Variants in ROBO1 observed in about 807,000 individuals in gnomAD.
ROBO1 encodes the protein roundabout homolog 1.
ROBO1 carries 149 observed loss-of-function variants against 195.9 expected under a neutral mutation model. That is an observed-to-expected ratio of 0.76 (90% CI 0.67 to 0.87). The LOEUF (loss-of-function observed/expected upper bound fraction) is 0.87. ROBO1 is among the 40% of genes least tolerant of loss of function. The probability of loss-of-function intolerance (pLI) is 0.00; values close to 1 mark genes in which losing one functional copy is unlikely to be tolerated. For synonymous variants in ROBO1, 816 were observed against 733.2 expected, an observed-to-expected ratio of 1.11 and a Z score of -1.82; for missense variants, 1,933 against 2,068.3, an observed-to-expected ratio of 0.93 and a Z score of 1.27.
At chr3:79,255,815 A>C (rs758086635) in intron 2 of ROBO1, among the ~76,000 whole-genome samples, 2 of 152,160 alleles carry the variant, frequency 1.3e-5, no homozygotes, top group Non-Finnish European at 2.9e-5. Flanking sequence ...CACTGACAGC[A>C]GGAAGAAGTG....
At chr3:79,668,885 C>T (rs984777800) in intron 1 of ROBO1, among the ~76,000 whole-genome samples, 6 of 151,786 alleles carry the variant, frequency 4.0e-5, no homozygotes, top group African/African-American at 1.5e-4. Context: ...AGAGTATAGA[C>T]GGAGATCATG....
intron 2 of ROBO1, among the ~76,000 whole-genome samples, chr3:79,457,938 T>G (rs763448053): frequency 9.2e-5 from 14 of 152,284 alleles, no homozygotes; most frequent in Middle Eastern, 3.4e-3. Flanking sequence ...TCAGCTCTGA[T>G]CTGGCTCACA....
intron 2 of ROBO1, among the ~76,000 whole-genome samples, chr3:79,526,277 T>C (rs1282211490): frequency 6.6e-6 from 1 of 152,216 alleles, no homozygotes; most frequent in Non-Finnish European, 1.5e-5. Context: ...GAAATAAATA[T>C]TCTTTATAGA....
At chr3:78,918,959 C>T (rs1405694393) in intron 4 of ROBO1, among the ~76,000 whole-genome samples, 2 of 152,110 alleles carry the variant, frequency 1.3e-5, no homozygotes, top group African/African-American at 4.8e-5. Flanking sequence ...TCTTGTGGTT[C>T]TGGAGCAAAG....
At chr3:79,466,099 AT>A (rs1292214201) in intron 2 of ROBO1, among the ~76,000 whole-genome samples, 1 of 152,050 alleles carries the variant, frequency 6.6e-6, no homozygotes, top group Non-Finnish European at 1.5e-5. Flanking sequence ...GAAATTGACA[AT>A]TATTTATTTT....
intron 3 of ROBO1, among the ~76,000 whole-genome samples, chr3:78,950,263 A>G (rs778189667): frequency 3.3e-5 from 5 of 152,032 alleles, no homozygotes; most frequent in Non-Finnish European, 7.4e-5. Flanking sequence ...AACCAACCTA[A>G]ATGTCCAACA....
chr3:79,139,924 G>A (rs1169105966), intron 2 of ROBO1, among the ~76,000 whole-genome samples: 2 of 152,132 alleles, frequency 1.3e-5, no homozygotes, highest in African/African-American at 2.4e-5. Flanking sequence ...TGTCCCAGCT[G>A]CCCTTATAGT....
chr3:78,711,872 T>C (rs1008494197), intron 8 of ROBO1, among the ~76,000 whole-genome samples: 3 of 151,430 alleles, frequency 2.0e-5, no homozygotes, highest in African/African-American at 4.9e-5. Flanking sequence ...TTAGATAAAG[T>C]GCCTATTAGA....
chr3:79,023,766 G>A (rs530536473), intron 3 of ROBO1, among the ~76,000 whole-genome samples: 1 of 121,968 alleles, frequency 8.2e-6, no homozygotes, highest in African/African-American at 3.2e-5. Flanking sequence ...GCAGTGGTGC[G>A]ATCTCGGCTC....
At chr3:78,782,425 G>T (rs1217029920) in intron 4 of ROBO1, among the ~76,000 whole-genome samples, 4 of 152,034 alleles carry the variant, frequency 2.6e-5, no homozygotes, top group African/African-American at 9.7e-5. Flanking sequence ...TTGAACTCCT[G>T]GCCTCAAGTG....
At chr3:78,721,272 T>C (rs1287078190) in intron 5 of ROBO1, among the ~76,000 whole-genome samples, 2 of 152,216 alleles carry the variant, frequency 1.3e-5, no homozygotes, top group Non-Finnish European at 1.5e-5. Flanking sequence ...CTAAGAACTT[T>C]TGTAACCTTT....
At chr3:79,617,524 T>G (rs544951835) in intron 1 of ROBO1, among the ~76,000 whole-genome samples, 1 of 152,232 alleles carries the variant, frequency 6.6e-6, no homozygotes, top group Non-Finnish European at 1.5e-5. Context: ...CAGACAATTA[T>G]ATACAACTTA....
At chr3:79,729,638 C>G (rs1241129832) in intron 1 of ROBO1, among the ~76,000 whole-genome samples, 1 of 152,140 alleles carries the variant, frequency 6.6e-6, no homozygotes, top group Non-Finnish European at 1.5e-5. Context: ...AAAGCTTATA[C>G]ACATAATTTG....
chr3:79,121,978 T>A (rs1181745599), intron 3 of ROBO1, among the ~76,000 whole-genome samples: 6 of 152,068 alleles, frequency 3.9e-5, no homozygotes, highest in Admixed American at 2.6e-4. Flanking sequence ...AATCTATACA[T>A]AAATTATACG....
chr3:79,569,272 T>C (rs1943195161), intron 2 of ROBO1, among the ~76,000 whole-genome samples: 1 of 152,212 alleles, frequency 6.6e-6, no homozygotes, highest in South Asian at 2.1e-4. Context: ...AGGACTAACA[T>C]AAATTGAGAA....
intron 1 of ROBO1, among the ~76,000 whole-genome samples, chr3:79,659,459 C>T (rs1946266001): frequency 1.3e-5 from 2 of 151,838 alleles, no homozygotes; most frequent in South Asian, 2.1e-4. Flanking sequence ...GGGATCATCA[C>T]CCAAAATAAA....
intron 4 of ROBO1, among the ~76,000 whole-genome samples, chr3:78,889,436 T>C (rs1437431584): frequency 6.6e-6 from 1 of 152,212 alleles, no homozygotes; most frequent in Non-Finnish European, 1.5e-5. Context: ...GAGCCGTAAG[T>C]AGGAAGAAAG....
intron 3 of ROBO1, among the ~76,000 whole-genome samples, chr3:79,021,117 T>C (rs1041996247): frequency 6.6e-6 from 1 of 152,170 alleles, no homozygotes; most frequent in Non-Finnish European, 1.5e-5. Flanking sequence ...GAAAACTGAC[T>C]ATAAATTCAG....
chr3:79,009,064 C>T (rs991351552), intron 3 of ROBO1, among the ~76,000 whole-genome samples: 6 of 151,112 alleles, frequency 4.0e-5, no homozygotes, highest in South Asian at 2.1e-4. Context: ...CCTCGGCCTC[C>T]GGAGTAGCTG....
Sources: allele counts gnomAD v4.1 joint callset (sites outside exome capture counted in the v4.1 genomes callset), GRCh38; gene constraint gnomAD v4.1.1; transcripts MANE v1.5; gene names NCBI Gene and HGNC (gene_info 2026-07-23, HGNC 2026-07-21).